The following LINGO2 variants were observed in gnomAD, a reference collection of about 807,000 sequenced individuals.
The protein encoded by LINGO2 is leucine rich repeat and Ig domain containing 2.
A neutral mutation model predicts 30.6 loss-of-function variants in LINGO2; 14 were observed. The observed-to-expected ratio is 0.46, with a 90% CI of 0.30 to 0.72. The LOEUF is 0.72. Among genes scored for constraint, LINGO2 ranks in the 30% least tolerant of loss-of-function variants. LINGO2 has a pLI of 0.07. For synonymous variants in LINGO2, 317 were observed against 288.5 expected (o/e 1.10, Z -1.00); for missense variants, 729 against 751.7 (o/e 0.97, Z 0.35).
At chr9:28,336,971 G>T (rs953100657) in intron 3 of LINGO2, among the ~76,000 whole-genome samples, 72 of 151,446 alleles carry the variant, frequency 4.8e-4, no homozygotes, top group Non-Finnish European at 9.0e-4. Flanking sequence ...CAACTGTTTT[G>T]AAGTACTAAA....
At chr9:29,180,073 T>A in the LINGO2 span, among the ~76,000 whole-genome samples, 1 of 152,166 alleles carries the variant, frequency 6.6e-6, no homozygotes, top group African/African-American at 2.4e-5. Flanking sequence ...AAGGCAGCAG[T>A]AAAGAACAGA....
chr9:29,079,338 A>C, the LINGO2 span, among the ~76,000 whole-genome samples: 3 of 152,010 alleles, frequency 2.0e-5, no homozygotes, highest in Non-Finnish European at 4.4e-5. Flanking sequence ...CCTAATATCT[A>C]TTAATAAAAG....
chr9:28,839,185 C>T, the LINGO2 span, among the ~76,000 whole-genome samples: 3 of 152,170 alleles, frequency 2.0e-5, no homozygotes, highest in Non-Finnish European at 4.4e-5. Flanking sequence ...CTCAACATGG[C>T]AAGTGAGGGG....
chr9:27,950,149 C>T, exon 6 of LINGO2: 2 of 1,614,022 alleles, frequency 1.2e-6, no homozygotes, highest in Non-Finnish European at 1.7e-6. Flanking sequence ...CTAAGAAGCC[C>T]ACTGAATGCC....
At chr9:28,440,706 C>T (rs764291877) in intron 2 of LINGO2, among the ~76,000 whole-genome samples, 1 of 151,990 alleles carries the variant, frequency 6.6e-6, no homozygotes, top group African/African-American at 2.4e-5. Context: ...TATGACTACC[C>T]TATGAAGTAG....
the LINGO2 span, among the ~76,000 whole-genome samples, chr9:28,909,790 T>C: frequency 6.6e-6 from 1 of 152,036 alleles, no homozygotes; most frequent in African/African-American, 2.4e-5. Flanking sequence ...CAAGTGAATG[T>C]AAAACTCCAA....
chr9:27,950,194 C>A (rs763777808), exon 6 of LINGO2: 7 of 1,613,936 alleles, frequency 4.3e-6, no homozygotes, highest in Non-Finnish European at 5.9e-6. Context: ...TTGTCCCCCA[C>A]TTCTAGAGAC....
intron 1 of LINGO2, among the ~76,000 whole-genome samples, chr9:28,590,816 C>G (rs566387431): frequency 1.1e-4 from 16 of 152,080 alleles, no homozygotes; most frequent in African/African-American, 3.6e-4. Flanking sequence ...GGGTATATAC[C>G]CAAAGGATTA....
At chr9:27,965,683 C>T (rs552212233) in intron 5 of LINGO2, among the ~76,000 whole-genome samples, 47 of 152,092 alleles carry the variant, frequency 3.1e-4, no homozygotes, top group African/African-American at 1.1e-3. Context: ...AAATTATTTG[C>T]TCTTCTACAG....
In LINGO2 at chr9:28,130,196, C is replaced by T. The variant is rs1190081097; in HGVS notation, c.-86-117791G>A. 6.6e-6 allele frequency among the ~76,000 whole-genome samples: 1 copy of T among 152,178 alleles called. No individual in the cohort carries two copies. The highest frequency in any genetic ancestry group is 2.1e-4 in the South Asian group (1 of 4,828). ...TTTAACCACTGGTTTGAACTCTAGACCCTCTAAAATAGACCTTAACACACT... is the reference window on the plus strand; with the variant it reads ...TTTAACCACTGGTTTGAACTCTAGATCCTCTAAAATAGACCTTAACACACT... On this transcript the variant is annotated intron_variant, in intron 4 of 5. Transcript: ENST00000379992. This position sits in a 1 kb window ranked among gnomAD's most constrained non-coding sequence, Gnocchi z 5.2.
chr9:28,928,358 A>G, the LINGO2 span, among the ~76,000 whole-genome samples: 5 of 152,174 alleles, frequency 3.3e-5, no homozygotes, highest in African/African-American at 9.6e-5. Flanking sequence ...ATTAGTATCA[A>G]TATTATTTCA....
At chr9:29,154,711 C>T in the LINGO2 span, among the ~76,000 whole-genome samples, 5 of 152,092 alleles carry the variant, frequency 3.3e-5, no homozygotes, top group Non-Finnish European at 5.9e-5. Context: ...GCTATGGAAT[C>T]CAGGTACCAC....
the LINGO2 span, among the ~76,000 whole-genome samples, chr9:29,169,670 A>G: frequency 6.6e-6 from 1 of 152,222 alleles, no homozygotes; most frequent in South Asian, 2.1e-4. Flanking sequence ...GAATATTTAT[A>G]CATTGTTGGT....
chr9:28,689,545 A>T, the LINGO2 span, among the ~76,000 whole-genome samples: 1 of 152,180 alleles, frequency 6.6e-6, no homozygotes, highest in African/African-American at 2.4e-5. Context: ...ATTATCAAAA[A>T]GTTAAAAAAC....
chr9:28,066,544 ATG>A (rs1014381302), intron 4 of LINGO2, among the ~76,000 whole-genome samples: 18 of 152,194 alleles, frequency 1.2e-4, no homozygotes, highest in African/African-American at 4.3e-4. Context: ...AGGAATTCTT[ATG>A]AGGACTGAAC....
chr9:29,079,910 T>G, the LINGO2 span, among the ~76,000 whole-genome samples: 9 of 152,120 alleles, frequency 5.9e-5, no homozygotes, highest in Non-Finnish European at 1.2e-4. Context: ...TGACAACCAT[T>G]GTAATAAACA....
chr9:29,006,723 T>A, the LINGO2 span, among the ~76,000 whole-genome samples: 2 of 152,048 alleles, frequency 1.3e-5, no homozygotes, highest in Admixed American at 1.3e-4. Flanking sequence ...TTATTAAATA[T>A]TCAACATTAA....
In LINGO2 at chr9:28,180,504, T is replaced by C. The variant is rs544676212; in HGVS notation, c.-87+114704A>G. 1.2e-4 allele frequency among the ~76,000 whole-genome samples: 18 copies of C among 152,302 alleles called. No individual in the cohort carries two copies. The South Asian group carries it at 3.7e-3, about 32-fold the overall frequency. ...GGCAAAAGGAAGAGTGAGGCAAGTT[T>C]CTTTGCTTCCTCCCCCAATTCTGTT... On this transcript the variant is annotated intron_variant, in intron 4 of 5. Coordinates refer to ENST00000379992, the Ensembl canonical transcript of LINGO2.
chr9:28,057,632 C>CATATATATACACATATATGTATATACAT (rs1563949799), intron 4 of LINGO2, among the ~76,000 whole-genome samples: 6 of 92,976 alleles, frequency 6.5e-5, no homozygotes, highest in Non-Finnish European at 1.0e-4. Context: ...TATATACACA[C>CATATATATACACATATATGTATATACAT]ATATATAAAC....
Sources: gnomAD v4.1 joint callset for allele counts (sites outside exome capture counted in the v4.1 genomes callset) on GRCh38, gnomAD v4.1.1 for gene constraint, Gnocchi (gnomAD v3.1) non-coding constraint, MANE v1.5 for transcripts, NCBI Gene and HGNC (gene_info 2026-07-23, HGNC 2026-07-21) for gene names.